ANKRD31: variants seen among roughly 807,000 people sequenced by gnomAD.
ANKRD31 encodes ankyrin repeat domain-containing protein 31.
In ANKRD31, 147 loss-of-function variants were observed where a neutral mutation model predicts 186.0. That is an observed-to-expected ratio of 0.79 (90% CI 0.69 to 0.91). The LOEUF (loss-of-function observed/expected upper bound fraction) is 0.91. Among genes scored for constraint, ANKRD31 ranks in the 40% least tolerant of loss-of-function variants. The pLI is 0.00. For missense variants in ANKRD31, 1,986 were observed against 2,148.8 expected (o/e 0.92, Z 1.50); for synonymous variants, 673 against 736.4 (o/e 0.91, Z 1.39).
chr5:75,179,496 G>A (rs1444098955), intron 10 of ANKRD31, among the ~76,000 whole-genome samples: 2 of 152,114 alleles, frequency 1.3e-5, no homozygotes, highest in African/African-American at 2.4e-5. Context: ...TAAAATACTG[G>A]CAAACCGAAT....
chr5:75,176,436 T>A (rs1253617429), intron 10 of ANKRD31, among the ~76,000 whole-genome samples: 3 of 152,140 alleles, frequency 2.0e-5, no homozygotes, highest in Admixed American at 1.3e-4. Flanking sequence ...GACTGCCTCT[T>A]CAAGTGGGTC....
rs565751786 is a variant in ANKRD31 at position 75,073,856 on chromosome 5, C to T, written c.5648-5192G>A. Among the ~76,000 whole-genome samples, 5 of 152,276 alleles carry T rather than the reference C, an allele frequency of 3.3e-5. No individual in the cohort carries two copies. In the East Asian group the frequency reaches 7.7e-4, roughly 24 times the overall value. On this transcript the variant is annotated intron_variant, in intron 25 of 25. Transcript: ENST00000506364. The stretch of plus-strand genomic sequence containing the variant: ...TAGGGCCATTTTAGGCCCACCTCCT[C>T]TTTTTAAAAAATTTTTTTTAAAGCA...
At chr5:75,072,583 G>A (rs1019368802) in intron 25 of ANKRD31, among the ~76,000 whole-genome samples, 3 of 152,172 alleles carry the variant, frequency 2.0e-5, no homozygotes, top group African/African-American at 7.2e-5. Context: ...TGAAACCACT[G>A]CTATTTGGGG....
At chr5:75,179,989 G>A (rs1219412379) in intron 10 of ANKRD31, among the ~76,000 whole-genome samples, 3 of 152,156 alleles carry the variant, frequency 2.0e-5, no homozygotes, top group African/African-American at 7.2e-5. Context: ...AAACCCCATT[G>A]TCTCAGCCCA....
At chr5:75,115,499 A>G (rs908295490) in intron 19 of ANKRD31, among the ~76,000 whole-genome samples, 4 of 151,002 alleles carry the variant, frequency 2.6e-5, no homozygotes, top group Non-Finnish European at 5.9e-5. Context: ...AAATTTTTGC[A>G]ACCTACTCAT....
intron 17 of ANKRD31, among the ~76,000 whole-genome samples, chr5:75,135,761 A>C (rs925008053): frequency 6.6e-6 from 1 of 152,224 alleles, no homozygotes; most frequent in African/African-American, 2.4e-5. Flanking sequence ...GCCTGCCTTC[A>C]AACTATACAA....
intron 25 of ANKRD31, among the ~76,000 whole-genome samples, chr5:75,076,007 C>G (rs1359389126): frequency 6.6e-6 from 1 of 151,992 alleles, no homozygotes; most frequent in Non-Finnish European, 1.5e-5. Flanking sequence ...ATTAAGCACT[C>G]TATATCTCAT....
chr5:75,220,937 TA>T (rs1362229417), intron 3 of ANKRD31, among the ~76,000 whole-genome samples: 1 of 152,024 alleles, frequency 6.6e-6, no homozygotes, highest in Non-Finnish European at 1.5e-5. Flanking sequence ...CTGTCTCCAC[TA>T]AAAATACAAA....
intron 15 of ANKRD31, among the ~76,000 whole-genome samples, chr5:75,139,386 A>G (rs1750839166): frequency 6.6e-6 from 1 of 152,194 alleles, no homozygotes; most frequent in Non-Finnish European, 1.5e-5. Context: ...ATAGGTGCCA[A>G]GTAACAAACT....
At chr5:75,178,213 G>C (rs576090691) in intron 10 of ANKRD31, among the ~76,000 whole-genome samples, 1 of 152,268 alleles carries the variant, frequency 6.6e-6, no homozygotes, top group African/African-American at 2.4e-5. Context: ...ACCCAATACA[G>C]GAGCACCCAG....
At chr5:75,149,893 G>A (rs1242907582) in intron 12 of ANKRD31, among the ~76,000 whole-genome samples, 1 of 151,842 alleles carries the variant, frequency 6.6e-6, no homozygotes. Context: ...CACCCTGCAA[G>A]GGACATGGTT....
intron 7 of ANKRD31, 24 bp from the exon 8 acceptor site, chr5:75,193,615 C>A (rs1388334737): frequency 6.7e-7 from 1 of 1,500,032 alleles, no homozygotes; most frequent in Admixed American, 2.3e-5. Flanking sequence ...AATACATCCA[C>A]AAAAAATTAC....
chr5:75,103,376 T>C (rs1451584049), intron 22 of ANKRD31, among the ~76,000 whole-genome samples: 1 of 152,164 alleles, frequency 6.6e-6, no homozygotes, highest in Non-Finnish European at 1.5e-5. Context: ...TGCAGATAAA[T>C]AGGAATGCTT....
At chr5:75,071,291 TTTTAATAATATTTAATA>T (rs1384921771) in intron 25 of ANKRD31, among the ~76,000 whole-genome samples, 10 of 148,008 alleles carry the variant, frequency 6.8e-5, no homozygotes, top group Admixed American at 1.4e-4. Flanking sequence ...ATATTTAATA[TTTTAATAATATTTAATA>T]TTTAATAATA....
In ANKRD31 at chr5:75,222,199, T is replaced by C. The variant is rs780021469; in HGVS notation, c.288+50A>G. 9 of 1,342,430 alleles carry C rather than the reference T, an allele frequency of 6.7e-6. No individual in the cohort carries two copies. In the East Asian group the frequency reaches 1.6e-4, roughly 24 times the overall value. The allele number at this position is 1,342,430 out of a possible 1,614,324, so 83.2% of individuals were successfully genotyped here. A position where few individuals can be genotyped will look rare whatever the true frequency, so the allele number is the denominator to read the frequency against. On this transcript the variant is annotated intron_variant, in intron 3 of 25. Coordinates refer to ENST00000506364, the MANE Select transcript of ANKRD31 (RefSeq NM_001372053.1). ...ATTAGTAATTTGCCACTCTGAGCGA[T>C]AGCATTTCCAATTTTTAATGAGTAT...
chr5:75,180,131 A>T (rs7341033), intron 10 of ANKRD31, among the ~76,000 whole-genome samples: 6 of 151,828 alleles, frequency 4.0e-5, no homozygotes, highest in African/African-American at 1.5e-4. Flanking sequence ...CTCCCATTCA[A>T]AATTGCTTCA....
chr5:75,112,425 C>T, intron 20 of ANKRD31, 88 bp downstream of exon 20: 1 of 849,462 alleles, frequency 1.2e-6, no homozygotes, highest in Non-Finnish European at 1.7e-6. Context: ...CTTTTTCAGC[C>T]TTTGTGAGCT....
chr5:75,081,479 G>A (rs748627330), intron 24 of ANKRD31, among the ~76,000 whole-genome samples: 2 of 152,218 alleles, frequency 1.3e-5, no homozygotes, highest in Admixed American at 6.5e-5. Context: ...TTAAAAGGGA[G>A]ATTGTGTGCC....
At chr5:75,140,209 A>C (rs112026891) in intron 15 of ANKRD31, among the ~76,000 whole-genome samples, 3,405 of 149,878 alleles carry the variant, frequency 0.023, 43 homozygotes, top group Non-Finnish European at 0.034. Context: ...GTCTCAAAAA[A>C]AAGAAAAGAA....
Sources: allele counts gnomAD v4.1 joint callset (sites outside exome capture counted in the v4.1 genomes callset), GRCh38; gene constraint gnomAD v4.1.1; transcripts MANE v1.5; gene names NCBI Gene and HGNC (gene_info 2026-07-23, HGNC 2026-07-21).